GFRA1: variants seen among roughly 807,000 people sequenced by gnomAD.
GFRA1 encodes the protein GDNF family receptor alpha-1.
GFRA1 carries 16 observed loss-of-function variants against 51.6 expected under a neutral mutation model. The ratio of observed to expected loss-of-function variants is 0.31; its 90% CI spans 0.21 to 0.47. The LOEUF (loss-of-function observed/expected upper bound fraction) is 0.47. GFRA1 is among the 20% of genes least tolerant of loss of function. GFRA1 has a pLI of 1.00. For missense variants in GFRA1, 530 were observed against 594.3 expected (o/e 0.89, Z 1.13); for synonymous variants, 270 against 241.3 (o/e 1.12, Z -1.10).
At chr10:116,086,329 G>C (rs1436318670) in intron 9 of GFRA1, among the ~76,000 whole-genome samples, 1 of 152,322 alleles carries the variant, frequency 6.6e-6, no homozygotes, top group East Asian at 1.9e-4. Context: ...AGTGGCTACT[G>C]ACTTGGGATC....
chr10:116,205,578 A>C (rs1454784346), intron 5 of GFRA1, among the ~76,000 whole-genome samples: 1 of 139,346 alleles, frequency 7.2e-6, no homozygotes, highest in Non-Finnish European at 1.5e-5. Flanking sequence ...CATCTCAAAA[A>C]AGAAAGGAAA....
At chr10:116,225,672 C>T (rs927997657) in intron 4 of GFRA1, among the ~76,000 whole-genome samples, 1 of 149,440 alleles carries the variant, frequency 6.7e-6, no homozygotes, top group African/African-American at 2.5e-5. Flanking sequence ...TCATAGCAGC[C>T]TCTGCCTCCC....
chr10:116,216,573 G>C (rs1329170174), intron 4 of GFRA1, among the ~76,000 whole-genome samples: 5 of 152,136 alleles, frequency 3.3e-5, no homozygotes, highest in Non-Finnish European at 7.3e-5. Flanking sequence ...ACTGGGGGTG[G>C]TAAAGTTATT....
chr10:116,209,312 A>G (rs2577384), intron 5 of GFRA1, among the ~76,000 whole-genome samples: 35,936 of 152,040 alleles, frequency 0.24, 4,296 homozygotes, highest in South Asian at 0.28. Context: ...TCCTCTGAGA[A>G]CATCTGATGT....
At chr10:116,265,536 A>G (rs564398538) in intron 4 of GFRA1, among the ~76,000 whole-genome samples, 2 of 152,220 alleles carry the variant, frequency 1.3e-5, no homozygotes, top group African/African-American at 4.8e-5. Context: ...CAAGAGTCCA[A>G]AAAAAATTGC....
chr10:116,226,335 T>G (rs1417134824), intron 4 of GFRA1, among the ~76,000 whole-genome samples: 1 of 152,176 alleles, frequency 6.6e-6, no homozygotes, highest in African/African-American at 2.4e-5. Flanking sequence ...CAGAAAACGA[T>G]GACTGCACCC....
At chr10:116,251,953 C>T (rs911064074) in intron 4 of GFRA1, among the ~76,000 whole-genome samples, 2 of 117,556 alleles carry the variant, frequency 1.7e-5, no homozygotes, top group African/African-American at 6.3e-5. Flanking sequence ...ACACAGACAA[C>T]AATAGGCCTC....
At chr10:116,148,170 T>G (rs1958915478) in intron 5 of GFRA1, among the ~76,000 whole-genome samples, 1 of 150,928 alleles carries the variant, frequency 6.6e-6, no homozygotes, top group South Asian at 2.1e-4. Context: ...CCTTTTGTCT[T>G]CCGGTTTCAC....
intron 5 of GFRA1, among the ~76,000 whole-genome samples, chr10:116,163,220 C>T (rs774226842): frequency 4.6e-5 from 7 of 152,170 alleles, no homozygotes; most frequent in South Asian, 2.1e-4. Context: ...GGCATAACCC[C>T]GTGCTCCATT....
At chr10:116,084,973 G>C (rs896434048) in intron 9 of GFRA1, among the ~76,000 whole-genome samples, 4 of 152,158 alleles carry the variant, frequency 2.6e-5, no homozygotes, top group African/African-American at 9.7e-5. Flanking sequence ...CACAGCCTGT[G>C]CCATGCTTGT....
chr10:116,253,772 G>A (rs1283953734), intron 4 of GFRA1, among the ~76,000 whole-genome samples: 3 of 152,180 alleles, frequency 2.0e-5, no homozygotes, highest in African/African-American at 7.2e-5. Context: ...AGAGGTAGCT[G>A]AGGATCCATC....
intron 4 of GFRA1, among the ~76,000 whole-genome samples, chr10:116,268,687 C>T (rs1485298181): frequency 1.3e-5 from 2 of 152,010 alleles, no homozygotes; most frequent in Non-Finnish European, 2.9e-5. Flanking sequence ...CACTGAGAGA[C>T]ATATAATTTG....
intron 5 of GFRA1, among the ~76,000 whole-genome samples, chr10:116,187,003 C>G (rs1404494043): frequency 6.6e-6 from 1 of 152,066 alleles, no homozygotes; most frequent in Non-Finnish European, 1.5e-5. Flanking sequence ...CACTAATGTT[C>G]CTGGGAATTT....
At chr10:116,137,771 A>G (rs1958393617) in intron 5 of GFRA1, among the ~76,000 whole-genome samples, 1 of 152,110 alleles carries the variant, frequency 6.6e-6, no homozygotes, top group African/African-American at 2.4e-5. Context: ...TGTCCATCTT[A>G]ATAGTCAGAT....
chr10:116,188,405 G>C (rs1962930126), intron 5 of GFRA1, among the ~76,000 whole-genome samples: 2 of 152,212 alleles, frequency 1.3e-5, no homozygotes, highest in South Asian at 4.1e-4. Context: ...GAGGTATTTA[G>C]AACAGTCCAA....
At chr10:116,069,289 G>C (rs759310532) in intron 9 of GFRA1, among the ~76,000 whole-genome samples, 4 of 152,044 alleles carry the variant, frequency 2.6e-5, no homozygotes, top group Non-Finnish European at 5.9e-5. Flanking sequence ...TTTAAGAAAG[G>C]GTGTTTCTTA....
intron 4 of GFRA1, among the ~76,000 whole-genome samples, chr10:116,236,340 GA>G (rs1405870656): frequency 7.9e-5 from 12 of 152,260 alleles, no homozygotes; most frequent in African/African-American, 2.9e-4. Context: ...TTTCAGCAGA[GA>G]AAGGTGCCTG....
chr10:116,182,349 A>G (rs1962317199), intron 5 of GFRA1, among the ~76,000 whole-genome samples: 1 of 152,254 alleles, frequency 6.6e-6, no homozygotes, highest in Non-Finnish European at 1.5e-5. Context: ...CATGTATTGC[A>G]TATTTAGTTA....
At chr10:116,095,600 G>A (rs1479849871) in intron 7 of GFRA1, among the ~76,000 whole-genome samples, 1 of 152,134 alleles carries the variant, frequency 6.6e-6, no homozygotes, top group Non-Finnish European at 1.5e-5. Flanking sequence ...CCACAGCAGG[G>A]CAGGTATCCT....
Sources: gnomAD v4.1 joint callset for allele counts (sites outside exome capture counted in the v4.1 genomes callset) on GRCh38, gnomAD v4.1.1 for gene constraint, MANE v1.5 for transcripts, NCBI Gene and HGNC (gene_info 2026-07-23, HGNC 2026-07-21) for gene names.